TM4SF18: variants seen among roughly 807,000 people sequenced by gnomAD.
The protein encoded by TM4SF18 is transmembrane 4 L6 family member 18.
Under a neutral mutation model 23.8 loss-of-function variants are expected in TM4SF18, and 22 were observed. The ratio of observed to expected loss-of-function variants is 0.92; its 90% CI spans 0.66 to 1.32. The LOEUF is 1.32. TM4SF18 is among the 40% of genes most tolerant of loss of function. The pLI, the probability that TM4SF18 is intolerant of heterozygous loss-of-function variation, is 0.00. For synonymous variants in TM4SF18, 87 were observed against 87.9 expected, an observed-to-expected ratio of 0.99 and a Z score of 0.06; for missense variants, 255 against 240.3, an observed-to-expected ratio of 1.06 and a Z score of -0.41.
At chr3:149,330,973 C>T (rs1183992150) in intron 2 of TM4SF18, among the ~76,000 whole-genome samples, 1 of 152,188 alleles carries the variant, frequency 6.6e-6, no homozygotes, top group Non-Finnish European at 1.5e-5. Context: ...TTGTCTGTAT[C>T]AAGCCAACAA....
chr3:149,320,794 A>G lies in TM4SF18; in HGVS notation c.*684T>C, dbSNP rs1268479796. On this transcript the variant is annotated 3_prime_UTR_variant, in exon 6 of 6. Coordinates refer to ENST00000296059, the MANE Select transcript of TM4SF18 (RefSeq NM_138786.4). ...TTATAGTAAAACATATTCAATAAAG[A>G]AATCTTGGAAAATATAGAAAAGTGG... 6.6e-6 allele frequency: 1 copy of G among 152,196 alleles called. No individual in the cohort carries two copies. The highest frequency in any genetic ancestry group is 1.9e-4 in the East Asian group (1 of 5,202). The allele number at this position is 152,196 out of a possible 1,614,324, so 9.4% of individuals were successfully genotyped here.
intron 2 of TM4SF18, among the ~76,000 whole-genome samples, chr3:149,331,655 C>T (rs1731089293): frequency 6.6e-6 from 1 of 152,144 alleles, no homozygotes; most frequent in South Asian, 2.1e-4. Context: ...ACACTGCCTT[C>T]TTTTTTTGTT....
Position 149,322,580 on chromosome 3 carries a change from C to T in TM4SF18, c.411-144G>A, listed in dbSNP as rs1316559520. 42 of 666,722 alleles carry T rather than the reference C, an allele frequency of 6.3e-5. No homozygotes were observed. In the Admixed American group the frequency reaches 1.2e-3, roughly 20 times the overall value. 41.3% of individuals were successfully genotyped at this position (666,722 alleles called of 1,614,324 possible). A position where few individuals can be genotyped will look rare whatever the true frequency, so the allele number is the denominator to read the frequency against. On this transcript the variant is annotated intron_variant, in intron 4 of 5. Transcript: ENST00000296059. ...ACATTTTAAAAACCATTCAGATACACATATTGGACATATCTTATGCATAGC... is the reference window on the plus strand; with the variant it reads ...ACATTTTAAAAACCATTCAGATACATATATTGGACATATCTTATGCATAGC...
intron 4 of TM4SF18, among the ~76,000 whole-genome samples, chr3:149,324,148 G>T (rs1036941748): frequency 2.0e-5 from 3 of 152,008 alleles, no homozygotes; most frequent in African/African-American, 7.3e-5. Context: ...TTCTTTCTGG[G>T]CCCTGCTACC....
intron 4 of TM4SF18, among the ~76,000 whole-genome samples, chr3:149,324,289 T>C (rs901843714): frequency 2.0e-5 from 3 of 152,180 alleles, no homozygotes; most frequent in Non-Finnish European, 4.4e-5. Flanking sequence ...GCTACCTCTT[T>C]AGACCCTTCT....
rs780869912 is a variant in TM4SF18, at chr3:149,333,407, A to G, written c.-17-8T>C. 6.4e-7 allele frequency: 1 copy of G among 1,565,470 alleles called. No homozygotes were observed. The highest frequency in any genetic ancestry group is 8.7e-7 in the Non-Finnish European group (1 of 1,151,312). Reference sequence around the variant, plus strand: ...TTTTGCCCTGCTTAGAACCTGCGGGAGATTTCAAGAGTATACAGTCACAGA... The same window carrying G: ...TTTTGCCCTGCTTAGAACCTGCGGGGGATTTCAAGAGTATACAGTCACAGA... On this transcript the variant is annotated splice_region_variant and splice_polypyrimidine_tract_variant and intron_variant, in intron 1 of 5. Coordinates refer to ENST00000296059, the MANE Select transcript of TM4SF18 (RefSeq NM_138786.4).
chr3:149,327,705 A>G (rs1306894340), intron 3 of TM4SF18, among the ~76,000 whole-genome samples: 1 of 152,174 alleles, frequency 6.6e-6, no homozygotes, highest in African/African-American at 2.4e-5. Context: ...TCTCAATAAC[A>G]TTTCTTTGTT....
chr3:149,333,482 C>CTCTT (rs4048749), intron 1 of TM4SF18, 31 bp downstream of exon 1: 4,837 of 234,638 alleles, frequency 0.021, 66 homozygotes, highest in African/African-American at 0.045. Context: ...CTCTCTCTCT[C>CTCTT]TTTTTTTTTT....
chr3:149,325,213 C>A (rs765365251), intron 3 of TM4SF18, among the ~76,000 whole-genome samples, 191 bp from the exon 4 acceptor site: 4 of 151,728 alleles, frequency 2.6e-5, no homozygotes, highest in Non-Finnish European at 5.9e-5. Flanking sequence ...TTTTAAATAA[C>A]GTTTAGTTTG....
chr3:149,322,551 T>G, intron 4 of TM4SF18, 115 bp from the exon 5 acceptor site: 1 of 850,160 alleles, frequency 1.2e-6, no homozygotes, highest in Non-Finnish European at 1.8e-6. Flanking sequence ...AGATATGAAT[T>G]AATACATTTT....
chr3:149,324,105 T>C (rs1343813770), intron 4 of TM4SF18, among the ~76,000 whole-genome samples: 1 of 152,204 alleles, frequency 6.6e-6, no homozygotes, highest in African/African-American at 2.4e-5. Context: ...TTCCCTCATT[T>C]TACTCCATTA....
At chr3:149,322,469 G>A in intron 4 of TM4SF18, 33 bp from the exon 5 acceptor site, 2 of 1,586,510 alleles carry the variant, frequency 1.3e-6, no homozygotes, top group Non-Finnish European at 1.7e-6. Context: ...TCTACATACT[G>A]GGTCCAAGGA....
intron 3 of TM4SF18, among the ~76,000 whole-genome samples, chr3:149,328,329 T>G (rs1731003735): frequency 6.6e-6 from 1 of 152,108 alleles, no homozygotes; most frequent in Non-Finnish European, 1.5e-5. Flanking sequence ...TCAACCCCTT[T>G]TATAAGGGCA....
Position 149,319,348 on chromosome 3 carries a change from A to G in TM4SF18, c.*2130T>C, listed in dbSNP as rs2293418. 71,413 of 152,072 alleles carry G rather than the reference A, an allele frequency of 0.47. 17,622 individuals carry two copies. Among genetic ancestry groups the G allele is most frequent in the East Asian group, 0.84 (4,343 of 5,178 alleles). The allele number at this position is 152,072 out of a possible 1,614,324, so 9.4% of individuals were successfully genotyped here. A position where few individuals can be genotyped will look rare whatever the true frequency, so the allele number is the denominator to read the frequency against. Reference sequence around the variant, plus strand: ...TCAGAGGGGAGAGGTCACTCTGAGTACAACATGGTGTCTGTAGCTTGGGTT... The same window carrying G: ...TCAGAGGGGAGAGGTCACTCTGAGTGCAACATGGTGTCTGTAGCTTGGGTT... On this transcript the variant is annotated 3_prime_UTR_variant, in exon 6 of 6. Transcript: ENST00000296059.
intron 5 of TM4SF18, 21 bp downstream of exon 5, chr3:149,322,235 G>T (rs1730822340): frequency 6.3e-7 from 1 of 1,595,804 alleles, no homozygotes. Context: ...TGAGCTACAG[G>T]TGCCCATGAG....
chr3:149,321,295 T>TA lies in TM4SF18; in HGVS notation c.*182dup, dbSNP rs892856860. ...TCTGAAGTTTCTGATGCATATTACT[T>TA]AAAAAACATACTAAATGGAAGGGTG... On this transcript the variant is annotated 3_prime_UTR_variant, in exon 6 of 6. Coordinates refer to ENST00000296059, the MANE Select transcript of TM4SF18 (RefSeq NM_138786.4). The TA allele has an allele frequency of 9.2e-6, 4 of 433,692 alleles. No individual in the cohort carries two copies. Among genetic ancestry groups the TA allele is most frequent in the African/African-American group, 6.1e-5 (3 of 48,962 alleles). The allele number at this position is 433,692 out of a possible 1,614,324, so 26.9% of individuals were successfully genotyped here. A position where few individuals can be genotyped will look rare whatever the true frequency, so the allele number is the denominator to read the frequency against.
intron 3 of TM4SF18, among the ~76,000 whole-genome samples, chr3:149,326,842 C>T (rs998895520): frequency 6.6e-6 from 1 of 152,170 alleles, no homozygotes; most frequent in African/African-American, 2.4e-5. Context: ...TTGACATACT[C>T]ATGTCATTCT....
chr3:149,327,247 G>A (rs1730972918), intron 3 of TM4SF18, among the ~76,000 whole-genome samples: 1 of 152,202 alleles, frequency 6.6e-6, no homozygotes, highest in African/African-American at 2.4e-5. Context: ...GCTGTGTCCG[G>A]CCAGAAACTA....
At chr3:149,328,802 T>A (rs1731013571) in intron 3 of TM4SF18, among the ~76,000 whole-genome samples, 1 of 152,100 alleles carries the variant, frequency 6.6e-6, no homozygotes. Flanking sequence ...AATTGGGACT[T>A]CTCTTCTAGA....
Sources: allele counts gnomAD v4.1 joint callset (sites outside exome capture counted in the v4.1 genomes callset), GRCh38; gene constraint gnomAD v4.1.1; transcripts MANE v1.5; gene names NCBI Gene and HGNC (gene_info 2026-07-23, HGNC 2026-07-21).